The following TDRD12 variants were observed in gnomAD, a reference collection of about 807,000 sequenced individuals.
The protein encoded by TDRD12 is tudor domain containing 12.
In TDRD12, 158 loss-of-function variants were observed where a neutral mutation model predicts 133.5. That is an observed-to-expected ratio of 1.18 (90% CI 1.04 to 1.35). The LOEUF is 1.35. Ranked by LOEUF, TDRD12 falls within the 40% of genes most tolerant of loss-of-function variation. TDRD12 has a pLI of 0.00. For synonymous variants in TDRD12, 460 were observed against 477.9 expected, an observed-to-expected ratio of 0.96 and a Z score of 0.49; for missense variants, 1,443 against 1,321.3, an observed-to-expected ratio of 1.09 and a Z score of -1.43.
chr19:32,764,514 A>G (rs1970240568), intron 8 of TDRD12, among the ~76,000 whole-genome samples: 1 of 152,176 alleles, frequency 6.6e-6, no homozygotes, highest in Non-Finnish European at 1.5e-5. Context: ...GACTCCTATT[A>G]TGATTCAGGT....
chr19:32,722,711 G>A (rs192872456), intron 1 of TDRD12, among the ~76,000 whole-genome samples: 136 of 139,610 alleles, frequency 9.7e-4, no homozygotes, highest in African/African-American at 3.3e-3. Flanking sequence ...ACGGCGTCTC[G>A]CTCTGTTGCC....
intron 3 of TDRD12, 67 bp from the exon 4 acceptor site, chr19:32,742,714 A>G (rs896082676): frequency 1.2e-5 from 17 of 1,423,266 alleles, no homozygotes; most frequent in Non-Finnish European, 1.1e-5. Context: ...TAAAATAGGT[A>G]TACTTTAACG....
intron 1 of TDRD12, among the ~76,000 whole-genome samples, chr19:32,722,964 A>C (rs927828935): frequency 1.3e-5 from 2 of 151,964 alleles, no homozygotes; most frequent in African/African-American, 4.8e-5. Flanking sequence ...ACAGGCAAGA[A>C]CTGCTGCACC....
chr19:32,742,874 C>T, exon 4 of TDRD12: 5 of 1,551,742 alleles, frequency 3.2e-6, no homozygotes, highest in Non-Finnish European at 4.4e-6. Flanking sequence ...TACACATTGA[C>T]TTCTGCCGAG....
intron 10 of TDRD12, among the ~76,000 whole-genome samples, chr19:32,773,944 C>A (rs769346941): frequency 6.6e-6 from 1 of 152,174 alleles, no homozygotes; most frequent in Non-Finnish European, 1.5e-5. Context: ...AGAGTTGTCC[C>A]TGTAAGGCAG....
At chr19:32,808,064 C>T (rs1434311682) in intron 22 of TDRD12, among the ~76,000 whole-genome samples, 1 of 152,048 alleles carries the variant, frequency 6.6e-6, no homozygotes, top group Non-Finnish European at 1.5e-5. Context: ...TCTCTACAAA[C>T]AGATTTTTTA....
chr19:32,783,592 A>C (rs967036850), intron 11 of TDRD12, among the ~76,000 whole-genome samples: 1 of 149,652 alleles, frequency 6.7e-6, no homozygotes, highest in Non-Finnish European at 1.5e-5. Context: ...CTTCTGATCC[A>C]TGAGCATGGA....
intron 5 of TDRD12, among the ~76,000 whole-genome samples, chr19:32,749,002 C>T (rs984113914): frequency 2.0e-5 from 3 of 152,160 alleles, no homozygotes; most frequent in African/African-American, 4.8e-5. Context: ...TAAACAGTGT[C>T]TTTTGTGGGA....
At chr19:32,754,821 G>A (rs1441140075) in intron 6 of TDRD12, among the ~76,000 whole-genome samples, 1 of 151,984 alleles carries the variant, frequency 6.6e-6, no homozygotes, top group Non-Finnish European at 1.5e-5. Context: ...GGGATTATAG[G>A]CATGCGCCAC....
downstream of TDRD12, among the ~76,000 whole-genome samples, chr19:32,825,562 C>A (rs928335195): frequency 2.0e-5 from 3 of 152,138 alleles, no homozygotes; most frequent in African/African-American, 7.2e-5. This position sits in a 1 kb window ranked among gnomAD's most constrained non-coding sequence, Gnocchi z 4.1. Flanking sequence ...AATTTTAATA[C>A]TTGTCAAAGG....
At position 32,773,478 on chromosome 19, in the gene TDRD12, G is replaced by A; in HGVS notation, c.986G>A (p.Trp329Ter). The A allele has an allele frequency of 6.4e-7, 1 of 1,551,736 alleles. No individual in the cohort carries two copies. The highest frequency in any genetic ancestry group is 8.7e-7 in the Non-Finnish European group (1 of 1,146,986). The stretch of plus-strand genomic sequence containing the variant: ...CAGCGTGTTGAATCCTCAGTGTACT[G>A]GCCAGCAAAAAGAGGCATAACCATA... The change falls in exon 10 of 28, where the codon TGG becomes TAG. Residue 329 changes from tryptophan (W) to a stop codon, truncating the protein, a stop_gained. Transcript: ENST00000444215. LOFTEE classifies it high-confidence loss of function.
At chr19:32,776,846 A>G (rs1377428461) in intron 10 of TDRD12, among the ~76,000 whole-genome samples, 1 of 152,234 alleles carries the variant, frequency 6.6e-6, no homozygotes, top group African/African-American at 2.4e-5. Flanking sequence ...TTTTTAATCC[A>G]GAAAATAAAG....
At chr19:32,805,309 G>C (rs1472785684) in intron 21 of TDRD12, among the ~76,000 whole-genome samples, 1 of 150,518 alleles carries the variant, frequency 6.6e-6, no homozygotes, top group Non-Finnish European at 1.5e-5. Context: ...CTTGAGCCTG[G>C]GAAGTCAAGG....
exon 20 of TDRD12, chr19:32,802,750 A>G: frequency 6.5e-7 from 1 of 1,536,626 alleles, no homozygotes; most frequent in South Asian, 1.2e-5. Flanking sequence ...TTTTTGGTGG[A>G]CGCCTGTATT....
chr19:32,745,042 A>G (rs1969559437), intron 4 of TDRD12, among the ~76,000 whole-genome samples: 1 of 152,256 alleles, frequency 6.6e-6, no homozygotes, highest in Admixed American at 6.5e-5. Flanking sequence ...GCTGAGGCCA[A>G]TGCGCCCTAC....
intron 2 of TDRD12, among the ~76,000 whole-genome samples, chr19:32,732,265 A>G (rs1401157915): frequency 6.6e-6 from 1 of 152,176 alleles, no homozygotes; most frequent in African/African-American, 2.4e-5. Context: ...TCAGATTCCC[A>G]AAGTGCTGGG....
At chr19:32,825,628 T>C (rs1967563918), downstream of TDRD12, among the ~76,000 whole-genome samples, 1 of 152,208 alleles carries the variant, frequency 6.6e-6, no homozygotes, top group South Asian at 2.1e-4. This position sits in a 1 kb window ranked among gnomAD's most constrained non-coding sequence, Gnocchi z 4.1. Context: ...AAGCCTGTAA[T>C]CCCACCACTT....
At chr19:32,784,603 G>A (rs1467659311) in intron 11 of TDRD12, among the ~76,000 whole-genome samples, 1 of 152,134 alleles carries the variant, frequency 6.6e-6, no homozygotes, top group African/African-American at 2.4e-5. Flanking sequence ...ATTCGGCTGT[G>A]AATCTGTCTG....
exon 1 of TDRD12, chr19:32,719,768 T>C (rs1298365766): frequency 5.1e-5 from 26 of 508,448 alleles, no homozygotes; most frequent in Non-Finnish European, 7.2e-5. Flanking sequence ...CCTCAAGGCC[T>C]GCTCAGCGTG....
Sources: allele counts gnomAD v4.1 joint callset (sites outside exome capture counted in the v4.1 genomes callset), GRCh38; gene constraint gnomAD v4.1.1; non-coding constraint Gnocchi (gnomAD v3.1); transcripts MANE v1.5; gene names NCBI Gene and HGNC (gene_info 2026-07-23, HGNC 2026-07-21).